IQGAP2: variants seen among roughly 807,000 people sequenced by gnomAD.
IQGAP2 encodes the protein IQ motif containing GTPase activating protein 2.
A neutral mutation model predicts 201.3 loss-of-function variants in IQGAP2; 173 were observed. That is an observed-to-expected ratio of 0.86 (90% CI 0.76 to 0.98). The LOEUF (loss-of-function observed/expected upper bound fraction) is 0.98. IQGAP2 is among the 50% of genes least tolerant of loss of function. IQGAP2 has a pLI of 0.00. For missense variants in IQGAP2, 1,687 were observed against 1,864.8 expected (o/e 0.90, Z 1.76); for synonymous variants, 675 against 673.9 (o/e 1.00, Z -0.03).
In IQGAP2 at chr5:76,590,396, T is replaced by C; in HGVS notation, c.641-12T>C. On this transcript the variant is annotated splice_polypyrimidine_tract_variant and intron_variant, in intron 7 of 35. Transcript: ENST00000274364. The stretch of plus-strand genomic sequence containing the variant: ...ATAAAAACCTTTTTCTCTCTCTCTC[T>C]TTACTTTTTAGTACATGCTGCAGTT... 1 of 1,577,628 alleles carries C rather than the reference T, an allele frequency of 6.3e-7. No individual in the cohort carries two copies. Among genetic ancestry groups the C allele is most frequent in the Admixed American group, 1.9e-5 (1 of 53,656 alleles).
intron 2 of IQGAP2, among the ~76,000 whole-genome samples, chr5:76,541,383 A>G (rs2150220161): frequency 6.6e-6 from 1 of 152,296 alleles, no homozygotes; most frequent in East Asian, 1.9e-4. Flanking sequence ...GTGGCCAAAT[A>G]ACTTTGTATT....
rs531851057 is a variant in IQGAP2 at position 76,698,147 on chromosome 5, A to C, written c.4367A>C (p.Lys1456Thr). 15 of 1,566,204 alleles carry C rather than the reference A, an allele frequency of 9.6e-6. No individual in the cohort carries two copies. In the South Asian group the frequency reaches 1.6e-4, roughly 17 times the overall value. The change falls in exon 33 of 36, where the codon AAA becomes ACA. Residue 1456 changes from lysine (K) to threonine (T), a missense_variant and splice_region_variant. Physicochemically the swap from Lys to Thr is moderately conservative, Grantham distance 78 (BLOSUM62 -1). Transcript: ENST00000274364. ...IKTCLDNLKRKNTRRSIKLDG... is the reference protein window; with the variant it reads ...IKTCLDNLKRTNTRRSIKLDG... ...ACTTGTTTAGACAACTTAAAAAGAA[A>C]GTAAGTTAAAATCATGTCATGTTCA...
At chr5:76,668,638 T>C in intron 22 of IQGAP2, 43 bp from the exon 23 acceptor site, 1 of 1,508,736 alleles carries the variant, frequency 6.6e-7, no homozygotes, top group South Asian at 1.2e-5. Context: ...AACTTATTGT[T>C]TTGTGGGATT....
chr5:76,404,995 G>C (rs576665547), intron 1 of IQGAP2, among the ~76,000 whole-genome samples: 5 of 152,318 alleles, frequency 3.3e-5, no homozygotes, highest in African/African-American at 1.2e-4. Flanking sequence ...ACCTCAGGTT[G>C]GTGGAAGTAC....
At chr5:76,485,919 C>T (rs2150149943) in intron 2 of IQGAP2, among the ~76,000 whole-genome samples, 2 of 152,260 alleles carry the variant, frequency 1.3e-5, no homozygotes, top group East Asian at 3.9e-4. Flanking sequence ...TTTTTTTCCA[C>T]AGCTTTAGTA....
Position 76,536,557 on chromosome 5 carries a change from C to G in IQGAP2, c.147-25839C>G, listed in dbSNP as rs192683755. ...GGTGGATCACCTGAGGTCAGGAGTTCAAGACCAGCCTGACCAACATGGCAA... is the reference window on the plus strand; with the variant it reads ...GGTGGATCACCTGAGGTCAGGAGTTGAAGACCAGCCTGACCAACATGGCAA... On this transcript the variant is annotated intron_variant, in intron 2 of 35. Transcript: ENST00000274364. Among the ~76,000 whole-genome samples the G allele has an allele frequency of 3.8e-3, 580 of 151,608 alleles. 2 individuals carry two copies. The highest frequency in any genetic ancestry group is 0.012 in the East Asian group (61 of 5,082).
At chr5:76,461,137 C>G (rs2150125690) in intron 1 of IQGAP2, among the ~76,000 whole-genome samples, 1 of 152,106 alleles carries the variant, frequency 6.6e-6, no homozygotes, top group Admixed American at 6.5e-5. Context: ...CTCAGCCTTC[C>G]AAAGTGCTGG....
Position 76,562,507 on chromosome 5 carries a change from G to T in IQGAP2, c.258G>T (p.Met86Ile), listed in dbSNP as rs1467471359. 1.9e-6 allele frequency: 3 copies of T among 1,613,780 alleles called. No individual in the cohort carries two copies. The highest frequency in any genetic ancestry group is 2.5e-6 in the Non-Finnish European group (3 of 1,179,864). Residue 86 changes from methionine (M) to isoleucine (I), a missense_variant, in exon 3 of 36, where the codon ATG (methionine) becomes ATT (isoleucine). Met to Ile is a conservative substitution (Grantham distance 10, BLOSUM62 1). Coordinates refer to ENST00000274364, the MANE Select transcript of IQGAP2 (RefSeq NM_006633.5). ...AKLAKFFAPK[M>I]VSEKKIYDVE... ...TAGCCAAGTTCTTTGCCCCGAAAATGGTATCAGAGAAAAAGATCTATGATG... is the reference window on the plus strand; with the variant it reads ...TAGCCAAGTTCTTTGCCCCGAAAATTGTATCAGAGAAAAAGATCTATGATG...
chr5:76,497,081 G>A (rs752627505), intron 2 of IQGAP2, among the ~76,000 whole-genome samples: 2 of 152,060 alleles, frequency 1.3e-5, no homozygotes, highest in Non-Finnish European at 2.9e-5. Context: ...ACCCACCTCA[G>A]CCTCTCAAAG....
intron 2 of IQGAP2, among the ~76,000 whole-genome samples, chr5:76,503,739 T>G (rs1432681466): frequency 6.6e-6 from 1 of 151,858 alleles, no homozygotes; most frequent in African/African-American, 2.4e-5. Context: ...ATCACAGGCA[T>G]GCACTACCAT....
rs550880245 is a variant in IQGAP2, at chr5:76,577,617, G to GGAA, written c.458+1848_458+1849insGAA. Among the ~76,000 whole-genome samples, 434 of 152,324 alleles carry GGAA rather than the reference G, an allele frequency of 2.8e-3. 4 individuals carry two copies. Among genetic ancestry groups the GGAA allele is most frequent in the African/African-American group, 0.01 (418 of 41,562 alleles). On this transcript the variant is annotated intron_variant, in intron 5 of 35. Transcript: ENST00000274364. ...ACTATGGAGCCGAGAAGTCCCAAGT[G>GGAA]TATCTTGCAGCTTTTTCCACCAAAA... is the stretch of plus-strand genomic sequence containing the variant.
At chr5:76,501,822 C>T (rs1051705672) in intron 2 of IQGAP2, among the ~76,000 whole-genome samples, 3 of 151,642 alleles carry the variant, frequency 2.0e-5, no homozygotes, top group Admixed American at 1.3e-4. Context: ...TTGTGTTTTT[C>T]GTAGAGGCGG....
At position 76,674,471 on chromosome 5, in the gene IQGAP2, C is replaced by A; in HGVS notation, c.3295-6C>A. Reference sequence around the variant, plus strand: ...AAAATGGTCATGCACTTCTGCGTCACTCCAGATTGTTGGAAACCTCCTGTA... The same window carrying A: ...AAAATGGTCATGCACTTCTGCGTCAATCCAGATTGTTGGAAACCTCCTGTA... On this transcript the variant is annotated splice_polypyrimidine_tract_variant and splice_region_variant and intron_variant, in intron 26 of 35. Coordinates refer to ENST00000274364, the MANE Select transcript of IQGAP2 (RefSeq NM_006633.5). 6.3e-7 allele frequency: 1 copy of A among 1,592,846 alleles called. No individual in the cohort carries two copies. The highest frequency in any genetic ancestry group is 8.6e-7 in the Non-Finnish European group (1 of 1,161,132).
intron 30 of IQGAP2, among the ~76,000 whole-genome samples, chr5:76,689,784 A>C (rs1746106988): frequency 6.6e-6 from 1 of 152,228 alleles, no homozygotes; most frequent in East Asian, 1.9e-4. Context: ...AGGATGTTAA[A>C]TACTGAAAAT....
intron 20 of IQGAP2, among the ~76,000 whole-genome samples, chr5:76,655,259 G>T (rs1752819982): frequency 8.6e-6 from 1 of 116,424 alleles, no homozygotes; most frequent in Admixed American, 8.5e-5. Context: ...AGTGGAGTTG[G>T]CATAAATGCT....
At position 76,663,087 on chromosome 5, in the gene IQGAP2, A is replaced by T. The variant is rs150964134; in HGVS notation, c.2530-1939A>T. 2.8e-3 allele frequency among the ~76,000 whole-genome samples: 427 copies of T among 152,322 alleles called. 1 individual carries two copies. The highest frequency in any genetic ancestry group is 9.6e-3 in the African/African-American group (397 of 41,564). On this transcript the variant is annotated intron_variant, in intron 21 of 35. Transcript: ENST00000274364. The stretch of plus-strand genomic sequence containing the variant: ...GGGAGAATGGGGTGCCAGGAAGTAA[A>T]CAGATTTAGAGCTTGCCATTTAGGC...
intron 1 of IQGAP2, among the ~76,000 whole-genome samples, chr5:76,439,484 T>A (rs1367364283): frequency 7.9e-5 from 12 of 152,236 alleles, no homozygotes; most frequent in Non-Finnish European, 1.5e-5. Flanking sequence ...ATCTATTTCT[T>A]AGGTCCAGTA....
At chr5:76,488,444 C>T (rs1251344159) in intron 2 of IQGAP2, among the ~76,000 whole-genome samples, 1 of 151,920 alleles carries the variant, frequency 6.6e-6, no homozygotes, top group Non-Finnish European at 1.5e-5. Flanking sequence ...TAAGATTGAC[C>T]TAGGGGAGCA....
intron 2 of IQGAP2, among the ~76,000 whole-genome samples, chr5:76,540,544 G>A (rs1742690890): frequency 6.6e-6 from 1 of 152,166 alleles, no homozygotes; most frequent in Non-Finnish European, 1.5e-5. Flanking sequence ...AGCCAACAAC[G>A]GACTGGAATG....
Sources: gnomAD v4.1 joint callset for allele counts (sites outside exome capture counted in the v4.1 genomes callset) on GRCh38, gnomAD v4.1.1 for gene constraint, MANE v1.5 for transcripts, NCBI Gene and HGNC (gene_info 2026-07-23, HGNC 2026-07-21) for gene names.